Variants in NPAT observed in about 807,000 individuals in gnomAD.
NPAT encodes the protein nuclear protein, coactivator of histone transcription, also known as protein NPAT.
In NPAT, 52 loss-of-function variants were observed where a neutral mutation model predicts 130.7. That is an observed-to-expected ratio of 0.40 (90% CI 0.32 to 0.50). The LOEUF (loss-of-function observed/expected upper bound fraction) is 0.50. Ranked by LOEUF, NPAT falls within the 20% of genes least tolerant of loss-of-function variation. The pLI, the probability that NPAT is intolerant of heterozygous loss-of-function variation, is 0.68. For missense variants in NPAT, 1,687 were observed against 1,662.6 expected (o/e 1.01, Z -0.26); for synonymous variants, 580 against 584.8 (o/e 0.99, Z 0.12).
At chr11:108,189,869 CAA>C (rs754180914) in intron 5 of NPAT, among the ~76,000 whole-genome samples, 1 of 59,332 alleles carries the variant, frequency 1.7e-5, no homozygotes, top group Non-Finnish European at 3.6e-5. Context: ...GACTCCGTCT[CAA>C]AAAAAAAAAA....
At chr11:108,162,685 G>A (rs530800018) in intron 15 of NPAT, among the ~76,000 whole-genome samples, 3 of 152,298 alleles carry the variant, frequency 2.0e-5, no homozygotes, top group East Asian at 1.9e-4. Context: ...GCCCACCTGG[G>A]CCTCCCAAAA....
intron 17 of NPAT, among the ~76,000 whole-genome samples, chr11:108,159,735 G>A (rs941606415): frequency 6.6e-6 from 1 of 152,104 alleles, no homozygotes; most frequent in Non-Finnish European, 1.5e-5. Context: ...ATAAGGCCAG[G>A]CGCAGTGGCT....
chr11:108,206,693 G>A (rs1016430038), intron 1 of NPAT, among the ~76,000 whole-genome samples: 1 of 152,140 alleles, frequency 6.6e-6, no homozygotes, highest in African/African-American at 2.4e-5. Context: ...GTGAGCAAGG[G>A]GGCATGTTTC....
rs750019279 is a variant in NPAT at position 108,189,185 on chromosome 11, T to G, written c.477A>C (p.Arg159=). The G allele has an allele frequency of 5.0e-6, 8 of 1,614,040 alleles. No individual in the cohort carries two copies. In the Admixed American group the frequency reaches 1.3e-4, roughly 27 times the overall value. Residue 159 remains arginine (R), a synonymous_variant, in exon 6 of 18, where the codon CGA becomes CGC. Transcript: ENST00000278612. ...TPPSTGTQVT[R]PSGQISDPSR... ...ATGGATCTGAAATTTGGCCACTTGG[T>G]CGAGTAACCTGTGTACCTGTGGAAG...
At position 108,200,208 on chromosome 11, in the gene NPAT, GC is replaced by G. The variant is rs2078262259; in HGVS notation, c.38-2789del. ...CAGCACAGTCCTATGACTACAGGGA[GC>G]TTTGCTATGTAAGAGACTGATTTTT... On this transcript the variant is annotated intron_variant, in intron 1 of 17. Coordinates refer to ENST00000278612, the MANE Select transcript of NPAT (RefSeq NM_002519.3). 7.9e-5 allele frequency among the ~76,000 whole-genome samples: 12 copies of G among 152,300 alleles called. No homozygotes were observed. In the South Asian group the frequency reaches 2.5e-3, roughly 32 times the overall value.
Position 108,177,033 on chromosome 11 carries a change from CT to C in NPAT, c.963del (p.Asp322ThrfsTer37), listed in dbSNP as rs1210174385. 1 of 1,613,248 alleles carries C rather than the reference CT, an allele frequency of 6.2e-7. No homozygotes were observed. Among genetic ancestry groups the C allele is most frequent in the Non-Finnish European group, 8.5e-7 (1 of 1,179,464 alleles). On this transcript the variant is annotated frameshift_variant, in exon 11 of 18. Coordinates refer to ENST00000278612, the MANE Select transcript of NPAT (RefSeq NM_002519.3). LOFTEE classifies it high-confidence loss of function. The stretch of plus-strand genomic sequence containing the variant: ...TCAAAGAGTGCCTGAAATGCTGGGT[CT>C]GATTCTGTCTGTTCCAATATGTCCT... Reference protein sequence around the residue: ...AIQDILEQTESDPAFQALFDL... With the variant: ...AIQDILEQTEXDPAFQALFDL...
chr11:108,207,666 G>A (rs1257297770), intron 1 of NPAT, among the ~76,000 whole-genome samples: 1 of 152,260 alleles, frequency 6.6e-6, no homozygotes, highest in African/African-American at 2.4e-5. Flanking sequence ...TGGGCACCGG[G>A]AGCAGGGAGA....
At chr11:108,162,959 G>A (rs1160019345) in intron 15 of NPAT, among the ~76,000 whole-genome samples, 2 of 152,160 alleles carry the variant, frequency 1.3e-5, no homozygotes, top group Non-Finnish European at 2.9e-5. Context: ...GCATTTATGT[G>A]GGAGAGCAGC....
intron 1 of NPAT, among the ~76,000 whole-genome samples, chr11:108,212,945 CAAAAAAAAAAA>C (rs34466178): frequency 1.9e-4 from 7 of 36,420 alleles, no homozygotes; most frequent in South Asian, 1.8e-3. Flanking sequence ...GACTCTGTCT[CAAAAAAAAAAA>C]AAAAAAAAAA....
chr11:108,184,471 CA>C (rs368848598), intron 10 of NPAT, among the ~76,000 whole-genome samples: 90 of 140,558 alleles, frequency 6.4e-4, no homozygotes, highest in Middle Eastern at 7.2e-3. Context: ...GACTCCATCT[CA>C]AAAAAAAAAA....
intron 1 of NPAT, among the ~76,000 whole-genome samples, chr11:108,215,133 A>G (rs2078421046): frequency 6.6e-6 from 1 of 152,196 alleles, no homozygotes; most frequent in African/African-American, 2.4e-5. Context: ...TAACCTAGCT[A>G]TCTTCAACTC....
rs768158581 is a variant in NPAT, at chr11:108,172,364, C to T, written c.2620G>A (p.Asp874Asn). 1 of 1,614,182 alleles carries T rather than the reference C, an allele frequency of 6.2e-7. No homozygotes were observed. Among genetic ancestry groups the T allele is most frequent in the Non-Finnish European group, 8.5e-7 (1 of 1,180,032 alleles). The change falls in exon 13 of 18, where the codon GAT (aspartate) becomes AAT (asparagine). Residue 874 changes from aspartate to asparagine, a missense_variant. Asp to Asn is a conservative substitution (Grantham distance 23, BLOSUM62 1). Coordinates refer to ENST00000278612, the MANE Select transcript of NPAT (RefSeq NM_002519.3). ...ACAGATGTTCCTAACGCTGTTGGAT[C>T]AGTCACACAGGTAGCTATCAGAATG... ...NNILIATCVT[D>N]PTALGTSVSQ...
chr11:108,192,969 C>G (rs1213126466), intron 3 of NPAT, among the ~76,000 whole-genome samples: 1 of 150,654 alleles, frequency 6.6e-6, no homozygotes, highest in Admixed American at 6.6e-5. Flanking sequence ...AAAAAACAAA[C>G]AAAGAAAAGA....
intron 10 of NPAT, among the ~76,000 whole-genome samples, chr11:108,179,436 T>C (rs190860632): frequency 3.9e-5 from 6 of 152,192 alleles, no homozygotes; most frequent in Admixed American, 2.6e-4. Flanking sequence ...CCCAGCTAAT[T>C]TTGGTCTCAA....
At chr11:108,180,426 C>CA (rs1442175734) in intron 10 of NPAT, among the ~76,000 whole-genome samples, 1 of 152,180 alleles carries the variant, frequency 6.6e-6, no homozygotes, top group East Asian at 1.9e-4. Context: ...GACATTTATC[C>CA]AAAAAAGGCA....
intron 1 of NPAT, among the ~76,000 whole-genome samples, chr11:108,208,131 A>G (rs1201923486): frequency 6.6e-6 from 1 of 152,196 alleles, no homozygotes; most frequent in Non-Finnish European, 1.5e-5. Context: ...AGCATCGCTA[A>G]TCTGAAAATC....
chr11:108,209,977 G>C (rs2078369168), intron 1 of NPAT, among the ~76,000 whole-genome samples: 1 of 145,764 alleles, frequency 6.9e-6, no homozygotes, highest in Non-Finnish European at 1.5e-5. Context: ...GAAATAAGCA[G>C]AGTATACATA....
At chr11:108,166,235 T>C (rs763954993) in intron 15 of NPAT, among the ~76,000 whole-genome samples, 2 of 151,920 alleles carry the variant, frequency 1.3e-5, no homozygotes, top group Non-Finnish European at 2.9e-5. Context: ...CTACTAAAAA[T>C]ACAAAAATTA....
At chr11:108,209,042 G>A (rs2078357670) in intron 1 of NPAT, among the ~76,000 whole-genome samples, 1 of 152,182 alleles carries the variant, frequency 6.6e-6, no homozygotes, top group Non-Finnish European at 1.5e-5. Context: ...CACGTTGGGA[G>A]GCTGAGGCAG....
Sources: gnomAD v4.1 joint callset for allele counts (sites outside exome capture counted in the v4.1 genomes callset) on GRCh38, gnomAD v4.1.1 for gene constraint, MANE v1.5 for transcripts, NCBI Gene and HGNC (gene_info 2026-07-23, HGNC 2026-07-21) for gene names.